AKAP13: variants seen among roughly 807,000 people sequenced by gnomAD.
AKAP13 encodes the protein A-kinase anchoring protein 13, also known as A-kinase anchor protein 13.
A neutral mutation model predicts 264.5 loss-of-function variants in AKAP13; 80 were observed. That is an observed-to-expected ratio of 0.30 (90% CI 0.25 to 0.36). AKAP13 has a LOEUF of 0.36. Among genes scored for constraint, AKAP13 ranks in the 10% least tolerant of loss-of-function variants. The pLI is 1.00. For missense variants in AKAP13, 3,712 were observed against 3,435.2 expected (o/e 1.08, Z -2.01); for synonymous variants, 1,380 against 1,250.2 (o/e 1.10, Z -2.19).
At chr15:85,502,872 A>C (rs1323355507) in intron 2 of AKAP13, among the ~76,000 whole-genome samples, 10 of 152,218 alleles carry the variant, frequency 6.6e-5, no homozygotes, top group Admixed American at 6.5e-4. Flanking sequence ...CCATTTAGTT[A>C]AAATTCTTCA....
Position 85,616,502 on chromosome 15 carries a change from G to A in AKAP13, c.4162-22872G>A, listed in dbSNP as rs566801849. Among the ~76,000 whole-genome samples, 373 of 152,338 alleles carry A rather than the reference G, an allele frequency of 2.4e-3. 3 individuals are homozygous for A. Among genetic ancestry groups the A allele is most frequent in the African/African-American group, 8.6e-3 (359 of 41,566 alleles). The stretch of plus-strand genomic sequence containing the variant: ...GTTTTTAAAGAATCTGGGACCATTT[G>A]TGTGGATAGAGGGCAGGATGGAGGC... On this transcript the variant is annotated intron_variant, in intron 8 of 36. Transcript: ENST00000394518.
In AKAP13 at chr15:85,727,434, T is replaced by C. The variant is rs754326505; in HGVS notation, c.7058T>C (p.Met2353Thr). 3.1e-6 allele frequency: 5 copies of C among 1,614,092 alleles called. No individual in the cohort carries two copies. Among genetic ancestry groups the C allele is most frequent in the East Asian group, 2.2e-5 (1 of 44,878 alleles). The stretch of plus-strand genomic sequence containing the variant: ...AGTGAGAATGAGGAAGAAAAGAAAA[T>C]GTTGGACACCAGAGCCCGAGAATTA... ...IPSENEEEKK[M>T]LDTRARELKE... Residue 2353 changes from methionine to threonine, a missense_variant, in exon 29 of 37, where the codon ATG (methionine) becomes ACG (threonine). Physicochemically the swap from Met to Thr is moderately conservative, Grantham distance 81 (BLOSUM62 -1). This residue lies in a region of AKAP13 where 342 missense variants were observed against 484.3 expected (regional missense o/e 0.71). Transcript: ENST00000394518. The surrounding 1 kb of genome is among the most constrained non-coding windows in gnomAD (Gnocchi z 5.3).
intron 9 of AKAP13, among the ~76,000 whole-genome samples, chr15:85,643,032 A>AT (rs2082381694): frequency 6.7e-6 from 1 of 149,942 alleles, no homozygotes; most frequent in African/African-American, 2.5e-5. Context: ...AAAAAAAAAA[A>AT]CCTCCAGAAT....
intron 4 of AKAP13, among the ~76,000 whole-genome samples, chr15:85,540,177 TG>T (rs1210985038): frequency 6.6e-6 from 1 of 152,082 alleles, no homozygotes; most frequent in African/African-American, 2.4e-5. Context: ...TCCACCAACA[TG>T]GGCCAAAATA....
At chr15:85,732,384 A>G (rs181365286) in intron 30 of AKAP13, among the ~76,000 whole-genome samples, 3 of 151,702 alleles carry the variant, frequency 2.0e-5, no homozygotes, top group East Asian at 3.9e-4. Flanking sequence ...GTTGATTGTT[A>G]CTAGGTTGGG....
At chr15:85,657,267 T>A (rs1186918359) in intron 11 of AKAP13, among the ~76,000 whole-genome samples, 2 of 152,340 alleles carry the variant, frequency 1.3e-5, no homozygotes, top group South Asian at 2.1e-4. Context: ...ATTCATTCAC[T>A]TATTTATTCA....
chr15:85,458,748 A>T (rs1374834798), intron 1 of AKAP13, among the ~76,000 whole-genome samples: 1 of 152,164 alleles, frequency 6.6e-6, no homozygotes, highest in African/African-American at 2.4e-5. Flanking sequence ...AATGTTTCTT[A>T]AAAAACATTA....
intron 5 of AKAP13, among the ~76,000 whole-genome samples, chr15:85,559,523 C>T (rs1451274810): frequency 6.6e-6 from 1 of 152,088 alleles, no homozygotes; most frequent in Non-Finnish European, 1.5e-5. Flanking sequence ...ATACAACTCA[C>T]CATAATGTAG....
At chr15:85,585,476 T>C (rs1363910791) in intron 7 of AKAP13, among the ~76,000 whole-genome samples, 1 of 152,222 alleles carries the variant, frequency 6.6e-6, no homozygotes, top group East Asian at 1.9e-4. Context: ...GATCCTCGCT[T>C]AGTTCCAAGC....
intron 1 of AKAP13, among the ~76,000 whole-genome samples, chr15:85,419,610 T>G (rs2072416951): frequency 6.6e-6 from 1 of 152,098 alleles, no homozygotes; most frequent in Non-Finnish European, 1.5e-5. Flanking sequence ...ATTTTCCAAG[T>G]TTAGTGAGTT....
At chr15:85,660,404 C>T (rs2083292481) in intron 12 of AKAP13, among the ~76,000 whole-genome samples, 1 of 147,280 alleles carries the variant, frequency 6.8e-6, no homozygotes, top group Non-Finnish European at 1.5e-5. Context: ...CTTCCTATCT[C>T]CCTATTGTTT....
intron 1 of AKAP13, among the ~76,000 whole-genome samples, chr15:85,391,807 C>T (rs1228799405): frequency 6.6e-6 from 1 of 150,800 alleles, no homozygotes; most frequent in African/African-American, 2.4e-5. Context: ...TTTTTTGAGA[C>T]AGAGTCTTGC....
intron 13 of AKAP13, among the ~76,000 whole-genome samples, chr15:85,665,316 C>T (rs573946147): frequency 2.9e-4 from 44 of 152,288 alleles, no homozygotes; most frequent in Non-Finnish European, 5.7e-4. Flanking sequence ...TTGAGTTTTT[C>T]CTTCTTATCT....
intron 1 of AKAP13, among the ~76,000 whole-genome samples, chr15:85,422,829 C>T (rs899140550): frequency 1.3e-5 from 2 of 152,180 alleles, no homozygotes; most frequent in Non-Finnish European, 2.9e-5. Flanking sequence ...GTTGCATGGC[C>T]AGTATAGAAG....
chr15:85,623,165 T>G (rs10438417), intron 8 of AKAP13, among the ~76,000 whole-genome samples: 95,494 of 152,116 alleles, frequency 0.63, 30,160 homozygotes, highest in Middle Eastern at 0.74. Context: ...TCATGTGCAC[T>G]TTCTCCACTT....
intron 2 of AKAP13, among the ~76,000 whole-genome samples, chr15:85,508,912 G>A (rs2076327479): frequency 6.6e-6 from 1 of 151,888 alleles, no homozygotes; most frequent in Non-Finnish European, 1.5e-5. Flanking sequence ...TGCCTTCCTT[G>A]GAGGAGCTTT....
chr15:85,512,189 G>A (rs139398794), intron 2 of AKAP13, among the ~76,000 whole-genome samples: 10 of 152,256 alleles, frequency 6.6e-5, no homozygotes, highest in Non-Finnish European at 1.0e-4. Context: ...CTTGTGTGAA[G>A]TTTCAAAAAG....
intron 1 of AKAP13, among the ~76,000 whole-genome samples, chr15:85,426,301 G>T (rs2072773739): frequency 6.6e-6 from 1 of 152,216 alleles, no homozygotes; most frequent in Non-Finnish European, 1.5e-5. Flanking sequence ...AAGAAGCAGT[G>T]TTCAGCCACT....
At chr15:85,677,537 C>CT (rs2084297270) in intron 14 of AKAP13, among the ~76,000 whole-genome samples, 1 of 151,968 alleles carries the variant, frequency 6.6e-6, no homozygotes, top group Non-Finnish European at 1.5e-5. Context: ...TATTGTTACA[C>CT]TTTTTTTCTT....
Sources: gnomAD v4.1 joint callset for allele counts (sites outside exome capture counted in the v4.1 genomes callset) on GRCh38, gnomAD v4.1.1 for gene constraint, gnomAD v4.1.1 regional missense constraint, Gnocchi (gnomAD v3.1) non-coding constraint, MANE v1.5 for transcripts, NCBI Gene and HGNC (gene_info 2026-07-23, HGNC 2026-07-21) for gene names.